The following PTPRQ variants were observed in gnomAD, a reference collection of about 807,000 sequenced individuals.
PTPRQ encodes protein tyrosine phosphatase receptor type Q, also known as phosphatidylinositol phosphatase PTPRQ.
Under a neutral mutation model 246.0 loss-of-function variants are expected in PTPRQ, and 199 were observed. That is an observed-to-expected ratio of 0.81 (90% CI 0.72 to 0.91). The LOEUF (loss-of-function observed/expected upper bound fraction) is 0.91. Among genes scored for constraint, PTPRQ ranks in the 40% least tolerant of loss-of-function variants. PTPRQ has a pLI of 0.00. For missense variants in PTPRQ, 2,624 were observed against 2,528.4 expected, an observed-to-expected ratio of 1.04 and a Z score of -0.81; for synonymous variants, 869 against 853.2, an observed-to-expected ratio of 1.02 and a Z score of -0.32.
chr12:80,632,868 G>A (rs1445729939), intron 34 of PTPRQ, among the ~76,000 whole-genome samples: 2 of 152,154 alleles, frequency 1.3e-5, no homozygotes, highest in East Asian at 3.9e-4. Context: ...TGGTGTAGGT[G>A]AGCTGGTACT....
Position 80,670,349 on chromosome 12 carries a change from G to C in PTPRQ, c.6459G>C (p.Gly2153=), listed in dbSNP as rs1900929409. 6.5e-7 allele frequency: 1 copy of C among 1,550,280 alleles called. No individual in the cohort carries two copies. Among genetic ancestry groups the C allele is most frequent in the Non-Finnish European group, 8.7e-7 (1 of 1,146,246 alleles). The change falls in exon 42 of 45, where the codon GGG becomes GGC. Residue 2153 remains glycine (G), a synonymous_variant. Transcript: ENST00000644991. ...TIRDLKIERH[G]DCMTVRQCNF... ...TAATCCGTCCCTTTGTCTAGCATGG[G>C]GATTGCATGACTGTTCGACAGTGTA...
At chr12:80,662,171 T>G (rs1900653942) in intron 39 of PTPRQ, among the ~76,000 whole-genome samples, 1 of 151,912 alleles carries the variant, frequency 6.6e-6, no homozygotes, top group Non-Finnish European at 1.5e-5. Flanking sequence ...TAGTTAAATC[T>G]CAAAGGATGA....
At chr12:80,600,606 G>GC (rs1898110696) in intron 26 of PTPRQ, among the ~76,000 whole-genome samples, 1 of 151,748 alleles carries the variant, frequency 6.6e-6, no homozygotes, top group African/African-American at 2.4e-5. Context: ...CACTCTACTT[G>GC]CTTGCTAGAA....
At chr12:80,590,626 C>A (rs1897764460) in intron 26 of PTPRQ, among the ~76,000 whole-genome samples, 1 of 143,758 alleles carries the variant, frequency 7.0e-6, no homozygotes, top group Non-Finnish European at 1.5e-5. Context: ...CGAAATCGCA[C>A]CACTGCACTC....
At chr12:80,454,890 G>A (rs1892921151) in intron 3 of PTPRQ, among the ~76,000 whole-genome samples, 1 of 152,170 alleles carries the variant, frequency 6.6e-6, no homozygotes, top group Non-Finnish European at 1.5e-5. Context: ...AAAACAGATA[G>A]CTTCGGCTGG....
chr12:80,637,439 CAG>C, intron 35 of PTPRQ, among the ~76,000 whole-genome samples: 1 of 152,174 alleles, frequency 6.6e-6, no homozygotes, highest in Non-Finnish European at 1.5e-5. Flanking sequence ...TTGTTACACA[CAG>C]AGAATTAGTA....
At chr12:80,563,845 T>G (rs1030510919) in intron 25 of PTPRQ, among the ~76,000 whole-genome samples, 10 of 152,174 alleles carry the variant, frequency 6.6e-5, no homozygotes, top group African/African-American at 2.4e-4. Context: ...TTGCCGTCTC[T>G]GACATCACTG....
intron 24 of PTPRQ, among the ~76,000 whole-genome samples, chr12:80,548,003 C>T (rs774381059): frequency 4.7e-4 from 72 of 152,154 alleles, no homozygotes; most frequent in African/African-American, 1.6e-3. Flanking sequence ...GACATGACTG[C>T]AGGAAATGCA....
At chr12:80,614,296 A>T (rs1441419159) in intron 29 of PTPRQ, among the ~76,000 whole-genome samples, 1 of 150,846 alleles carries the variant, frequency 6.6e-6, no homozygotes, top group East Asian at 1.9e-4. Context: ...TTAATTCTAA[A>T]TTCCCTATAT....
chr12:80,644,129 T>C (rs1899987195), intron 35 of PTPRQ, among the ~76,000 whole-genome samples: 1 of 152,156 alleles, frequency 6.6e-6, no homozygotes, highest in South Asian at 2.1e-4. Context: ...TCTGTGACAA[T>C]ATGGTCTTCA....
chr12:80,613,831 ATCAG>A lies in PTPRQ; in HGVS notation c.5160_5163del (p.Ile1720MetfsTer16), dbSNP rs759707360. On this transcript the variant is annotated frameshift_variant and splice_region_variant, in exon 29 of 45. Coordinates refer to ENST00000644991, the MANE Select transcript of PTPRQ (RefSeq NM_001145026.2). LOFTEE classifies it high-confidence loss of function. ...ACTAAAAGGTGGACATACATACAAT[ATCAG>A]TGTAAGAATCCGTAGCTTCAGTTAA... 6.6e-7 allele frequency: 1 copy of A among 1,524,850 alleles called. No individual in the cohort carries two copies. Among genetic ancestry groups the A allele is most frequent in the South Asian group, 1.3e-5 (1 of 78,742 alleles). The allele number at this position is 1,524,850 out of a possible 1,614,324, so 94.5% of individuals were successfully genotyped here.
chr12:80,581,356 C>G (rs1051464424), intron 25 of PTPRQ, among the ~76,000 whole-genome samples: 3 of 152,088 alleles, frequency 2.0e-5, no homozygotes, highest in African/African-American at 7.2e-5. Context: ...ATTTTCAAGG[C>G]CAGGTGCCAT....
At chr12:80,639,587 A>T (rs1346663260) in intron 35 of PTPRQ, among the ~76,000 whole-genome samples, 3 of 152,202 alleles carry the variant, frequency 2.0e-5, no homozygotes, top group African/African-American at 4.8e-5. Context: ...AGTCTTCTTC[A>T]ATAATTTTCT....
chr12:80,641,217 T>G (rs2121196716), intron 35 of PTPRQ, among the ~76,000 whole-genome samples: 1 of 152,290 alleles, frequency 6.6e-6, no homozygotes, highest in East Asian at 1.9e-4. Context: ...ACAAACATTT[T>G]TTGTTACATT....
intron 30 of PTPRQ, among the ~76,000 whole-genome samples, chr12:80,619,159 A>G (rs2121127564): frequency 1.3e-5 from 2 of 151,646 alleles, no homozygotes; most frequent in East Asian, 3.9e-4. Flanking sequence ...CCTGAAAATC[A>G]CACCTGGGCT....
At chr12:80,660,875 T>C (rs969562620) in intron 39 of PTPRQ, among the ~76,000 whole-genome samples, 1 of 152,048 alleles carries the variant, frequency 6.6e-6, no homozygotes, top group Non-Finnish European at 1.5e-5. Flanking sequence ...AAACTTTGTA[T>C]ATTTAGCATA....
intron 13 of PTPRQ, 32 bp from the exon 14 acceptor site, chr12:80,496,218 T>C (rs1894615738): frequency 6.5e-7 from 1 of 1,541,996 alleles, no homozygotes; most frequent in Non-Finnish European, 8.7e-7. Flanking sequence ...AATAAAAATA[T>C]AGGTACTACA....
rs1894940974 is a variant in PTPRQ, at chr12:80,505,894, G to A, written c.2273-130G>A. ...TTTATTTATACTTTACTTCATTCAG[G>A]ATATTTATTACGATTACATTCTAGT... On this transcript the variant is annotated intron_variant, in intron 14 of 44. Coordinates refer to ENST00000644991, the MANE Select transcript of PTPRQ (RefSeq NM_001145026.2). The A allele has an allele frequency of 6.5e-6, 7 of 1,075,740 alleles. No homozygotes were observed. In the South Asian group the frequency reaches 1.4e-4, roughly 21 times the overall value. The allele number at this position is 1,075,740 out of a possible 1,614,324, so 66.6% of individuals were successfully genotyped here.
At chr12:80,633,209 G>A (rs909612481) in intron 34 of PTPRQ, among the ~76,000 whole-genome samples, 5 of 152,198 alleles carry the variant, frequency 3.3e-5, no homozygotes, top group Non-Finnish European at 4.4e-5. Context: ...ATCTTTTAAA[G>A]TAATTTGTAA....
Sources: gnomAD v4.1 joint callset for allele counts (sites outside exome capture counted in the v4.1 genomes callset) on GRCh38, gnomAD v4.1.1 for gene constraint, MANE v1.5 for transcripts, NCBI Gene and HGNC (gene_info 2026-07-23, HGNC 2026-07-21) for gene names.